The following PPP2R5A variants were observed in gnomAD, a reference collection of about 807,000 sequenced individuals.
PPP2R5A encodes the protein serine/threonine-protein phosphatase 2A 56 kDa regulatory subunit alpha isoform.
PPP2R5A carries 25 observed loss-of-function variants against 64.2 expected under a neutral mutation model. The observed-to-expected ratio is 0.39, with a 90% CI of 0.28 to 0.54. PPP2R5A has a LOEUF of 0.54. Among genes scored for constraint, PPP2R5A ranks in the 20% least tolerant of loss-of-function variants. The pLI, the probability that PPP2R5A is intolerant of heterozygous loss-of-function variation, is 0.67. For synonymous variants in PPP2R5A, 198 were observed against 201.2 expected (o/e 0.98, Z 0.13); for missense variants, 425 against 576.3 (o/e 0.74, Z 2.69).
chr1:212,344,621 GTATT>G (rs1659741608), intron 4 of PPP2R5A, among the ~76,000 whole-genome samples: 1 of 152,146 alleles, frequency 6.6e-6, no homozygotes, highest in Admixed American at 6.5e-5. Flanking sequence ...TCTAGAGAGA[GTATT>G]TTATATTTTT....
At chr1:212,357,102 A>G (rs1343498803) in intron 10 of PPP2R5A, 33 bp downstream of exon 10, 2 of 1,588,264 alleles carry the variant, frequency 1.3e-6, no homozygotes, top group Non-Finnish European at 8.6e-7. Context: ...TTTACTTTAC[A>G]CTAGTATTTC....
intron 2 of PPP2R5A, among the ~76,000 whole-genome samples, chr1:212,330,123 T>G (rs1659478625): frequency 6.6e-6 from 1 of 152,234 alleles, no homozygotes; most frequent in Admixed American, 6.5e-5. Context: ...TAAGGTTGTT[T>G]AGGATGCTTG....
At chr1:212,300,014 A>G (rs557825916) in intron 1 of PPP2R5A, among the ~76,000 whole-genome samples, 1 of 152,194 alleles carries the variant, frequency 6.6e-6, no homozygotes, top group Non-Finnish European at 1.5e-5. Context: ...GGGTTTTGCC[A>G]TGTTGGCCAT....
At chr1:212,322,995 C>T (rs1467115009) in intron 1 of PPP2R5A, among the ~76,000 whole-genome samples, 1 of 152,124 alleles carries the variant, frequency 6.6e-6, no homozygotes, top group Non-Finnish European at 1.5e-5. Context: ...ACCGTGTTAG[C>T]CAGGATGGTC....
At chr1:212,345,421 T>C (rs1359152005) in intron 4 of PPP2R5A, among the ~76,000 whole-genome samples, 2 of 152,208 alleles carry the variant, frequency 1.3e-5, no homozygotes, top group African/African-American at 2.4e-5. Flanking sequence ...ACTTGCAATC[T>C]AAAAACTTAA....
intron 8 of PPP2R5A, among the ~76,000 whole-genome samples, chr1:212,349,759 A>G (rs1659844113): frequency 6.6e-6 from 1 of 152,222 alleles, no homozygotes; most frequent in African/African-American, 2.4e-5. Flanking sequence ...CAGCAAGGCA[A>G]CTTAGGCTTT....
intron 3 of PPP2R5A, among the ~76,000 whole-genome samples, chr1:212,340,798 T>A (rs1659673444): frequency 6.6e-6 from 1 of 152,236 alleles, no homozygotes; most frequent in Non-Finnish European, 1.5e-5. Context: ...TGTAGACTGT[T>A]ACTGAACTCA....
intron 1 of PPP2R5A, among the ~76,000 whole-genome samples, chr1:212,310,925 C>T (rs767440082): frequency 2.0e-5 from 3 of 152,172 alleles, no homozygotes; most frequent in South Asian, 2.1e-4. Context: ...TTCTCCTCTG[C>T]GTCTCTTTGA....
chr1:212,288,433 G>A (rs112149806), intron 1 of PPP2R5A, among the ~76,000 whole-genome samples: 1 of 152,142 alleles, frequency 6.6e-6, no homozygotes, highest in African/African-American at 2.4e-5. Context: ...TAGTAAAGAA[G>A]AAAGTAAATT....
intron 1 of PPP2R5A, among the ~76,000 whole-genome samples, chr1:212,297,096 C>CT (rs869112186): frequency 3.6e-5 from 3 of 82,672 alleles, no homozygotes; most frequent in Admixed American, 1.6e-4. Context: ...TTTGCTTCTT[C>CT]TTTTTTTTTT....
chr1:212,288,548 G>A lies in PPP2R5A; in HGVS notation c.181+2257G>A, dbSNP rs867829603. Among the ~76,000 whole-genome samples, 11 of 152,140 alleles carry A rather than the reference G, an allele frequency of 7.2e-5. No individual in the cohort carries two copies. The South Asian group carries it at 1.5e-3, about 20-fold the overall frequency. The stretch of plus-strand genomic sequence containing the variant: ...TATGCAAATTTAATTGAGGAAATAA[G>A]ACCCTTACTTGGATTACAAACTAAT... On this transcript the variant is annotated intron_variant, in intron 1 of 12. Transcript: ENST00000261461.
chr1:212,294,103 T>C (rs1658650503), intron 1 of PPP2R5A, among the ~76,000 whole-genome samples: 1 of 152,182 alleles, frequency 6.6e-6, no homozygotes, highest in Non-Finnish European at 1.5e-5. Flanking sequence ...TAGTATCAAA[T>C]CTAAAATTGT....
At chr1:212,325,512 T>A (rs1328278739) in intron 1 of PPP2R5A, among the ~76,000 whole-genome samples, 1 of 152,096 alleles carries the variant, frequency 6.6e-6, no homozygotes, top group Non-Finnish European at 1.5e-5. Context: ...GATCACATAA[T>A]TGAAGTGGGA....
chr1:212,306,057 C>T (rs1288291636), intron 1 of PPP2R5A, among the ~76,000 whole-genome samples: 1 of 152,158 alleles, frequency 6.6e-6, no homozygotes, highest in Non-Finnish European at 1.5e-5. Flanking sequence ...CAAAGGGGCA[C>T]GAGAGCCTTT....
At chr1:212,317,847 G>A (rs1413866525) in intron 1 of PPP2R5A, among the ~76,000 whole-genome samples, 1 of 152,012 alleles carries the variant, frequency 6.6e-6, no homozygotes, top group African/African-American at 2.4e-5. Flanking sequence ...TTAGCTGAGT[G>A]TGGTGGTGGG....
chr1:212,321,560 C>T (rs1209937320), intron 1 of PPP2R5A, among the ~76,000 whole-genome samples: 8 of 148,024 alleles, frequency 5.4e-5, no homozygotes, highest in East Asian at 2.0e-4. Flanking sequence ...ACGGGGCGGC[C>T]GGGCAGAGAC....
intron 1 of PPP2R5A, among the ~76,000 whole-genome samples, chr1:212,295,994 T>G (rs565684428): frequency 6.6e-6 from 1 of 151,762 alleles, no homozygotes; most frequent in Admixed American, 6.6e-5. Flanking sequence ...GAGGACAAGT[T>G]AGGAGATTAA....
rs71137740 is a variant in PPP2R5A, at chr1:212,306,740, C to CATTTATTTATTTATTT, written c.181+20469_181+20484dup. The CATTTATTTATTTATTT allele has an allele frequency of 8.9e-4, 131 of 146,436 alleles. 1 individual carries two copies. The highest frequency in any genetic ancestry group is 2.9e-3 in the African/African-American group (114 of 39,738). The allele number at this position is 146,436 out of a possible 1,614,324, so 9.1% of individuals were successfully genotyped here. On this transcript the variant is annotated intron_variant, in intron 1 of 12. Transcript: ENST00000261461. ...TTGATGGGCTTGGTTAATCCATTTA[C>CATTTATTTATTTATTT]ATTTATTTATTTATTTATTTATTTA...
At chr1:212,321,348 G>A (rs765139862) in intron 1 of PPP2R5A, among the ~76,000 whole-genome samples, 1 of 151,498 alleles carries the variant, frequency 6.6e-6, no homozygotes, top group Non-Finnish European at 1.5e-5. Flanking sequence ...TCCGGACGGG[G>A]CGGCTGGCCG....
Sources: allele counts gnomAD v4.1 joint callset (sites outside exome capture counted in the v4.1 genomes callset), GRCh38; gene constraint gnomAD v4.1.1; transcripts MANE v1.5; gene names NCBI Gene and HGNC (gene_info 2026-07-23, HGNC 2026-07-21).